Variants in CNOT4 observed in about 807,000 individuals in gnomAD.
The protein encoded by CNOT4 is CCR4-NOT transcription complex subunit 4, also known as CCR4-associated factor 4.
Under a neutral mutation model 73.8 loss-of-function variants are expected in CNOT4, and 8 were observed. That is an observed-to-expected ratio of 0.11 (90% confidence interval 0.06 to 0.20). CNOT4 has a LOEUF of 0.20. Among genes scored for constraint, CNOT4 ranks in the 10% least tolerant of loss-of-function variants. CNOT4 has a pLI of 1.00. For synonymous variants in CNOT4, 293 were observed against 321.1 expected (o/e 0.91, Z 0.94); for missense variants, 564 against 883.4 (o/e 0.64, Z 4.58).
intron 1 of CNOT4, among the ~76,000 whole-genome samples, chr7:135,492,722 A>G (rs1803196501): frequency 6.6e-6 from 1 of 152,238 alleles, no homozygotes; most frequent in Non-Finnish European, 1.5e-5. Context: ...ACTTGGGGCC[A>G]GGAGTTTCAG....
rs10242064 is a variant in CNOT4, at chr7:135,467,968, C to G, written c.-92-29545G>C. Reference sequence around the variant, plus strand: ...TGGTGGCTCACGCCTGTAATCCCAGCACTTTGGGAGCTCGAGACGGGCGGC... The same window carrying G: ...TGGTGGCTCACGCCTGTAATCCCAGGACTTTGGGAGCTCGAGACGGGCGGC... On this transcript the variant is annotated intron_variant, in intron 1 of 11. Coordinates refer to ENST00000541284, the MANE Select transcript of CNOT4 (RefSeq NM_001190850.2). 3.0e-3 allele frequency among the ~76,000 whole-genome samples: 458 copies of G among 152,254 alleles called. 3 individuals are homozygous for G. The highest frequency in any genetic ancestry group is 0.01 in the African/African-American group (434 of 41,544).
At chr7:135,420,307 T>C (rs1269911210) in intron 3 of CNOT4, among the ~76,000 whole-genome samples, 1 of 151,972 alleles carries the variant, frequency 6.6e-6, no homozygotes, top group Non-Finnish European at 1.5e-5. Context: ...TTGGGCGCAG[T>C]GGCTCATACC....
chr7:135,473,257 T>C (rs1276027058), intron 1 of CNOT4, among the ~76,000 whole-genome samples: 1 of 152,180 alleles, frequency 6.6e-6, no homozygotes, highest in African/African-American at 2.4e-5. Context: ...TAACATGCCT[T>C]ATTTTAAATC....
chr7:135,442,901 T>A (rs990197171), intron 1 of CNOT4, among the ~76,000 whole-genome samples: 6 of 146,380 alleles, frequency 4.1e-5, no homozygotes, highest in African/African-American at 1.5e-4. Context: ...CTATGAAAAA[T>A]TTTTAAAATT....
chr7:135,415,724 T>C (rs1585609318), intron 3 of CNOT4, among the ~76,000 whole-genome samples: 2 of 152,170 alleles, frequency 1.3e-5, no homozygotes, highest in African/African-American at 2.4e-5. Context: ...CATAAATCTA[T>C]TGCATATAAC....
chr7:135,466,534 T>A (rs1801234175), intron 1 of CNOT4, among the ~76,000 whole-genome samples: 1 of 151,512 alleles, frequency 6.6e-6, no homozygotes, highest in Admixed American at 6.6e-5. Context: ...CTAAGGTTAA[T>A]TATTGAAGAA....
chr7:135,436,386 T>C (rs192301490), intron 2 of CNOT4, among the ~76,000 whole-genome samples: 76 of 151,978 alleles, frequency 5.0e-4, no homozygotes, highest in African/African-American at 1.7e-3. Flanking sequence ...ATAAACATCA[T>C]GAAGCCAATC....
chr7:135,442,260 G>C (rs1404704486), intron 1 of CNOT4, among the ~76,000 whole-genome samples: 1 of 152,164 alleles, frequency 6.6e-6, no homozygotes, highest in African/African-American at 2.4e-5. Flanking sequence ...TTTTCATTTA[G>C]AGAATAATTT....
Position 135,388,697 on chromosome 7 carries a change from T to C in CNOT4, c.1627+5221A>G, listed in dbSNP as rs944679594. 2.7e-6 allele frequency: 4 copies of C among 1,483,498 alleles called. No homozygotes were observed. The South Asian group carries it at 5.7e-5, about 21-fold the overall frequency. 91.9% of individuals were successfully genotyped at this position (1,483,498 alleles called of 1,614,324 possible). A position where few individuals can be genotyped will look rare whatever the true frequency, so the allele number is the denominator to read the frequency against. On this transcript the variant is annotated intron_variant, in intron 10 of 11. Transcript: ENST00000541284. ...GAACGTTTATATTGGCTCTTCTGGGTGTATACATTAAAAGCAAAATCATAA... is the reference window on the plus strand; with the variant it reads ...GAACGTTTATATTGGCTCTTCTGGGCGTATACATTAAAAGCAAAATCATAA...
chr7:135,469,143 A>G (rs150697245), intron 1 of CNOT4, among the ~76,000 whole-genome samples: 195 of 152,256 alleles, frequency 1.3e-3, no homozygotes, highest in African/African-American at 4.4e-3. Flanking sequence ...TTCCCAGTAT[A>G]ACTCTGAGGG....
At chr7:135,493,892 TAAG>T (rs1395128728) in intron 1 of CNOT4, among the ~76,000 whole-genome samples, 2 of 152,210 alleles carry the variant, frequency 1.3e-5, no homozygotes, top group Admixed American at 1.3e-4. Flanking sequence ...TTGAAACTAA[TAAG>T]GAGGTTAGAA....
rs541229068 is a variant in CNOT4, at chr7:135,419,740, T to C, written c.372+2416A>G. ...TTACTAGAGTTACTTGAAACGGAAA[T>C]AAGAAATCTCTGTAAGTAAATAAAA... On this transcript the variant is annotated intron_variant, in intron 3 of 11. Coordinates refer to ENST00000541284, the MANE Select transcript of CNOT4 (RefSeq NM_001190850.2). 1.4e-4 allele frequency among the ~76,000 whole-genome samples: 21 copies of C among 152,082 alleles called. No individual in the cohort carries two copies. In the South Asian group the frequency reaches 3.7e-3, roughly 27 times the overall value.
At chr7:135,476,550 A>C (rs1165092502) in intron 1 of CNOT4, among the ~76,000 whole-genome samples, 1 of 152,250 alleles carries the variant, frequency 6.6e-6, no homozygotes, top group African/African-American at 2.4e-5. Context: ...AGTGGTATGC[A>C]CTTGTAGTCC....
At chr7:135,482,116 T>C (rs938141593) in intron 1 of CNOT4, among the ~76,000 whole-genome samples, 5 of 152,188 alleles carry the variant, frequency 3.3e-5, no homozygotes, top group Non-Finnish European at 5.9e-5. Context: ...AAATAATAAA[T>C]ATTAAAGGTG....
Position 135,398,241 on chromosome 7 carries a change from C to A in CNOT4, c.822-15G>T. ...TGTCAATGGGGCTATAAAAAGAAAA[C>A]AAATTGAATAAAATCAGAATATAGT... is the stretch of plus-strand genomic sequence containing the variant. On this transcript the variant is annotated splice_polypyrimidine_tract_variant and intron_variant, in intron 7 of 11. Coordinates refer to ENST00000541284, the MANE Select transcript of CNOT4 (RefSeq NM_001190850.2). The A allele has an allele frequency of 7.3e-7, 1 of 1,376,370 alleles. No individual in the cohort carries two copies. Among genetic ancestry groups the A allele is most frequent in the Non-Finnish European group, 1.0e-6 (1 of 969,506 alleles). The allele number at this position is 1,376,370 out of a possible 1,614,324, so 85.3% of individuals were successfully genotyped here.
chr7:135,410,275 C>A (rs898836552), intron 7 of CNOT4, among the ~76,000 whole-genome samples: 46 of 152,152 alleles, frequency 3.0e-4, no homozygotes, highest in Non-Finnish European at 5.6e-4. Context: ...TCAGAGTAGT[C>A]TGCAAATCAC....
intron 7 of CNOT4, among the ~76,000 whole-genome samples, chr7:135,407,023 A>G (rs1445438335): frequency 1.3e-5 from 2 of 152,238 alleles, no homozygotes; most frequent in Non-Finnish European, 2.9e-5. Context: ...TGGACGTCTC[A>G]TGAATGGCTT....
chr7:135,414,525 T>C (rs961558812), intron 4 of CNOT4, 93 bp from the exon 5 acceptor site: 2 of 664,286 alleles, frequency 3.0e-6, no homozygotes, highest in African/African-American at 3.6e-5. Flanking sequence ...CTAAAGACCC[T>C]GACTACTACT....
chr7:135,400,599 A>C (rs1310445775), intron 7 of CNOT4, among the ~76,000 whole-genome samples: 1 of 152,146 alleles, frequency 6.6e-6, no homozygotes, highest in Non-Finnish European at 1.5e-5. Context: ...AAAATATTAC[A>C]TAAAAAACAA....
Sources: allele counts gnomAD v4.1 joint callset (sites outside exome capture counted in the v4.1 genomes callset), GRCh38; gene constraint gnomAD v4.1.1; transcripts MANE v1.5; gene names NCBI Gene and HGNC (gene_info 2026-07-23, HGNC 2026-07-21).